AUTS2: variants seen among roughly 807,000 people sequenced by gnomAD.
AUTS2 encodes activator of transcription and developmental regulator AUTS2.
AUTS2 carries 17 observed loss-of-function variants against 112.4 expected under a neutral mutation model. The observed-to-expected ratio is 0.15, with a 90% confidence interval of 0.10 to 0.23. The LOEUF is 0.23. Ranked by LOEUF, AUTS2 falls within the 10% of genes least tolerant of loss-of-function variation. The pLI, the probability that AUTS2 is intolerant of heterozygous loss-of-function variation, is 1.00. For missense variants in AUTS2, 1,510 were observed against 1,701.6 expected (o/e 0.89, Z 1.98); for synonymous variants, 751 against 702.7 (o/e 1.07, Z -1.09).
chr7:70,187,892 A>T lies in AUTS2; in HGVS notation c.660+53321A>T, dbSNP rs1186022586. On this transcript the variant is annotated intron_variant, in intron 4 of 18. Transcript: ENST00000342771. ...GCTGGAAGACATCTTTGTGATATTT[A>T]TGAAGATCAGCCCTGTTGGGCAATC... Among the ~76,000 whole-genome samples, 12 of 146,688 alleles carry T rather than the reference A, an allele frequency of 8.2e-5. No homozygotes were observed. The Admixed American group carries it at 8.6e-4, about 11-fold the overall frequency.
chr7:70,552,526 A>G (rs1384756789), intron 5 of AUTS2, among the ~76,000 whole-genome samples: 1 of 152,216 alleles, frequency 6.6e-6, no homozygotes, highest in African/African-American at 2.4e-5. Context: ...TGCTTGGAAA[A>G]TAGAAGGTTT....
intron 1 of AUTS2, among the ~76,000 whole-genome samples, chr7:69,620,998 T>G (rs773215320): frequency 2.0e-5 from 3 of 152,188 alleles, no homozygotes; most frequent in Non-Finnish European, 4.4e-5. Context: ...CCCCTTTGAT[T>G]AGAAAGAATA....
intron 5 of AUTS2, among the ~76,000 whole-genome samples, chr7:70,512,967 G>T (rs1799261696): frequency 1.3e-5 from 2 of 152,150 alleles, no homozygotes; most frequent in African/African-American, 4.8e-5. Context: ...GCCCCATTCT[G>T]AGAGCTCGCA....
At chr7:69,785,687 A>G (rs1355223682) in intron 1 of AUTS2, among the ~76,000 whole-genome samples, 2 of 152,140 alleles carry the variant, frequency 1.3e-5, no homozygotes, top group Non-Finnish European at 2.9e-5. Flanking sequence ...CAGGAGTTAT[A>G]TTTGCTGTCA....
Position 70,683,557 on chromosome 7 carries a change from A to T in AUTS2, c.691-15012A>T, listed in dbSNP as rs374173241. On this transcript the variant is annotated intron_variant, in intron 5 of 18. Transcript: ENST00000342771. ...GGCAGTGTCCAGAGGTGAGCCGAGA[A>T]ACAACTACATGTTATATATTGTCTT... 1.9e-4 allele frequency among the ~76,000 whole-genome samples: 29 copies of T among 152,370 alleles called. No homozygotes were observed. The East Asian group carries it at 3.3e-3, about 17-fold the overall frequency.
intron 4 of AUTS2, among the ~76,000 whole-genome samples, chr7:70,356,046 G>A (rs1356587230): frequency 6.6e-6 from 1 of 152,196 alleles, no homozygotes; most frequent in Non-Finnish European, 1.5e-5. Context: ...CCTGCGGGGA[G>A]AAGTGAGGAG....
intron 1 of AUTS2, among the ~76,000 whole-genome samples, chr7:69,759,496 A>G (rs1289045123): frequency 1.3e-5 from 2 of 151,992 alleles, no homozygotes; most frequent in Non-Finnish European, 2.9e-5. Context: ...CAGATTTTGG[A>G]GCATTTCAGA....
intron 2 of AUTS2, among the ~76,000 whole-genome samples, chr7:70,095,614 A>C (rs754123646): frequency 3.3e-5 from 5 of 152,200 alleles, no homozygotes; most frequent in Non-Finnish European, 4.4e-5. Flanking sequence ...AAAAAGATAC[A>C]TAGTCTCTGC....
At chr7:70,657,521 G>T (rs944787521) in intron 5 of AUTS2, among the ~76,000 whole-genome samples, 1 of 152,210 alleles carries the variant, frequency 6.6e-6, no homozygotes, top group South Asian at 2.1e-4. Context: ...TAGCTAAGCA[G>T]CTGGATAACT....
At chr7:70,744,275 G>A (rs1181301476) in intron 6 of AUTS2, among the ~76,000 whole-genome samples, 4 of 152,148 alleles carry the variant, frequency 2.6e-5, no homozygotes, top group African/African-American at 9.7e-5. Flanking sequence ...TTCCAAGGGT[G>A]AGTGACATGA....
rs1361170941 is a variant in AUTS2 at position 70,595,455 on chromosome 7, C to A, written c.691-103114C>A. 2.6e-5 allele frequency among the ~76,000 whole-genome samples: 4 copies of A among 151,858 alleles called. No homozygotes were observed. The East Asian group carries it at 7.8e-4, about 29-fold the overall frequency. ...GAGATAATGCTCTCTGATTTACTGA[C>A]CTCTCGGGTTGTGGGCTAGACACCA... is the stretch of plus-strand genomic sequence containing the variant. On this transcript the variant is annotated intron_variant, in intron 5 of 18. Coordinates refer to ENST00000342771, the MANE Select transcript of AUTS2 (RefSeq NM_015570.4).
chr7:70,302,824 A>G (rs1789281480), intron 4 of AUTS2, among the ~76,000 whole-genome samples: 1 of 151,066 alleles, frequency 6.6e-6, no homozygotes, highest in Admixed American at 6.6e-5. Flanking sequence ...AGCACTTCTC[A>G]TCATGTCCGA....
At chr7:70,054,524 A>T (rs1201181145) in intron 2 of AUTS2, among the ~76,000 whole-genome samples, 3 of 152,170 alleles carry the variant, frequency 2.0e-5, no homozygotes. Context: ...ATTCGCGGAT[A>T]TGCAGTGTTT....
intron 1 of AUTS2, among the ~76,000 whole-genome samples, chr7:69,794,776 G>T (rs145994756): frequency 6.6e-6 from 1 of 152,108 alleles, no homozygotes; most frequent in African/African-American, 2.4e-5. Context: ...GTGTTATCAA[G>T]GTTACCTGTT....
intron 4 of AUTS2, among the ~76,000 whole-genome samples, chr7:70,178,358 T>A (rs1809107967): frequency 6.6e-6 from 1 of 152,144 alleles, no homozygotes; most frequent in South Asian, 2.1e-4. Flanking sequence ...AGAGGGTTGG[T>A]TCTCTTGGTT....
chr7:69,674,538 T>C (rs955517322), intron 1 of AUTS2, among the ~76,000 whole-genome samples: 1 of 141,772 alleles, frequency 7.1e-6, no homozygotes, highest in Non-Finnish European at 1.6e-5. Flanking sequence ...ACTTAATATA[T>C]GTTGGTTGTT....
chr7:70,490,389 G>A (rs887719101), intron 5 of AUTS2, among the ~76,000 whole-genome samples: 6 of 151,858 alleles, frequency 4.0e-5, no homozygotes, highest in Non-Finnish European at 7.4e-5. Context: ...ACAGGAGCTC[G>A]ACAAGCAGAG....
At chr7:70,426,023 T>C (rs555408085) in intron 4 of AUTS2, among the ~76,000 whole-genome samples, 1 of 151,930 alleles carries the variant, frequency 6.6e-6, no homozygotes, top group South Asian at 2.1e-4. Flanking sequence ...ATTTAATAGA[T>C]GAGGAAACTG....
intron 4 of AUTS2, among the ~76,000 whole-genome samples, chr7:70,403,785 G>A (rs1794421941): frequency 6.6e-6 from 1 of 152,198 alleles, no homozygotes; most frequent in African/African-American, 2.4e-5. Context: ...TTGTTTATGT[G>A]CTGGGCAGTT....
Sources: allele counts gnomAD v4.1 joint callset (sites outside exome capture counted in the v4.1 genomes callset), GRCh38; gene constraint gnomAD v4.1.1; transcripts MANE v1.5; gene names NCBI Gene and HGNC (gene_info 2026-07-23, HGNC 2026-07-21).